GPM6A: variants seen among roughly 807,000 people sequenced by gnomAD.
GPM6A encodes neuronal membrane glycoprotein M6-a.
Under a neutral mutation model 32.1 loss-of-function variants are expected in GPM6A, and 7 were observed. The observed-to-expected ratio is 0.22, with a 90% CI of 0.12 to 0.41. The LOEUF is 0.41. Ranked by LOEUF, GPM6A falls within the 10% of genes least tolerant of loss-of-function variation. The pLI, the probability that GPM6A is intolerant of heterozygous loss-of-function variation, is 1.00. For synonymous variants in GPM6A, 130 were observed against 123.4 expected, an observed-to-expected ratio of 1.05 and a Z score of -0.35; for missense variants, 235 against 347.2, an observed-to-expected ratio of 0.68 and a Z score of 2.57.
rs75037166 is a variant in GPM6A, at chr4:175,714,517, G to A, written c.38-12750C>T. The stretch of plus-strand genomic sequence containing the variant: ...TCCTGCCTCAGCCTCCCAAAGTGTT[G>A]GGATTATAGGGGAGAGCCACCATAC... On this transcript the variant is annotated intron_variant, in intron 1 of 6. Coordinates refer to ENST00000393658, the MANE Select transcript of GPM6A (RefSeq NM_201591.3). Among the ~76,000 whole-genome samples the A allele has an allele frequency of 6.1e-3, 922 of 152,130 alleles. 7 individuals carry two copies. Among genetic ancestry groups the A allele is most frequent in the Middle Eastern group, 0.02 (6 of 294 alleles).
intron 1 of GPM6A, among the ~76,000 whole-genome samples, chr4:175,722,887 T>TTA (rs1553981813): frequency 1.9e-4 from 28 of 148,350 alleles, no homozygotes; most frequent in South Asian, 4.3e-4. Flanking sequence ...ACAAAGAAAT[T>TTA]AAAAAAAAAA....
intron 1 of GPM6A, chr4:175,962,151 A>G (rs1740187193): frequency 1.2e-6 from 1 of 851,028 alleles, no homozygotes; most frequent in Admixed American, 1.7e-5. Context: ...ACAGGACATC[A>G]AGCATCAACC....
At chr4:175,711,748 C>T (rs1366377301) in intron 1 of GPM6A, among the ~76,000 whole-genome samples, 2 of 151,422 alleles carry the variant, frequency 1.3e-5, no homozygotes, top group South Asian at 2.1e-4. Flanking sequence ...CCTCTTCTGT[C>T]CCTGTGTAGT....
intron 1 of GPM6A, among the ~76,000 whole-genome samples, chr4:175,729,955 A>G (rs1487073535): frequency 6.7e-6 from 1 of 148,196 alleles, no homozygotes; most frequent in Non-Finnish European, 1.5e-5. Flanking sequence ...ATTTATGTAT[A>G]TATATATAAA....
chr4:175,677,595 T>C (rs1743445925), intron 2 of GPM6A, among the ~76,000 whole-genome samples: 1 of 152,200 alleles, frequency 6.6e-6, no homozygotes, highest in Admixed American at 6.5e-5. Context: ...ATAATTTTCC[T>C]AGTTTTTATA....
intron 1 of GPM6A, among the ~76,000 whole-genome samples, chr4:175,877,705 G>T (rs999468242): frequency 6.6e-6 from 1 of 152,098 alleles, no homozygotes; most frequent in African/African-American, 2.4e-5. Context: ...AGATTTGGGT[G>T]GGGACACAGA....
At chr4:175,658,703 T>C (rs1224064093) in intron 3 of GPM6A, among the ~76,000 whole-genome samples, 3 of 152,184 alleles carry the variant, frequency 2.0e-5, no homozygotes, top group Non-Finnish European at 4.4e-5. Flanking sequence ...TCCCTGTACT[T>C]TCTCCTCAAT....
At chr4:175,680,545 G>T (rs2111005272) in intron 2 of GPM6A, among the ~76,000 whole-genome samples, 1 of 152,074 alleles carries the variant, frequency 6.6e-6, no homozygotes, top group African/African-American at 2.4e-5. Context: ...CTTCATTGTG[G>T]CCATGTTAAT....
At chr4:175,787,038 C>G (rs1431864273) in intron 1 of GPM6A, 1 of 308,394 alleles carries the variant, frequency 3.2e-6, no homozygotes, top group Non-Finnish European at 5.9e-6. Flanking sequence ...TTCCTTTAGC[C>G]TATAATCTCG....
chr4:175,989,591 A>G (rs1305506397), intron 1 of GPM6A, among the ~76,000 whole-genome samples: 2 of 152,162 alleles, frequency 1.3e-5, no homozygotes, highest in African/African-American at 4.8e-5. Context: ...GGTATCCTGC[A>G]ATTACCAACA....
At chr4:175,982,212 A>ATG (rs1021918291) in intron 1 of GPM6A, among the ~76,000 whole-genome samples, 2 of 152,036 alleles carry the variant, frequency 1.3e-5, no homozygotes, top group African/African-American at 4.8e-5. Context: ...CATTTCCTTA[A>ATG]TGTGTCACAA....
chr4:175,721,148 A>ATATATATATAT (rs1746108912), intron 1 of GPM6A, among the ~76,000 whole-genome samples: 6 of 135,214 alleles, frequency 4.4e-5, no homozygotes, highest in Non-Finnish European at 8.0e-5. Context: ...TATATATTCT[A>ATATATATATAT]ATATATATAT....
chr4:175,907,352 A>C (rs982074483), intron 1 of GPM6A: 1 of 152,132 alleles, frequency 6.6e-6, no homozygotes, highest in Non-Finnish European at 1.5e-5. Flanking sequence ...CTTGTCTCTC[A>C]TTAAATTGCT....
chr4:175,709,821 G>T (rs1237237472), intron 1 of GPM6A, among the ~76,000 whole-genome samples: 2 of 151,948 alleles, frequency 1.3e-5, no homozygotes, highest in African/African-American at 4.8e-5. Context: ...TCATAGTGGG[G>T]ATCTCTTCCC....
intron 1 of GPM6A, among the ~76,000 whole-genome samples, chr4:175,831,742 G>A (rs1365937596): frequency 4.0e-4 from 2 of 4,996 alleles, no homozygotes; most frequent in South Asian, 0.023. Context: ...TTTTTTTGAC[G>A]GAGGTTCACT....
chr4:175,698,336 T>C (rs947204126), intron 2 of GPM6A, among the ~76,000 whole-genome samples: 49 of 152,120 alleles, frequency 3.2e-4, no homozygotes, highest in African/African-American at 1.2e-3. Context: ...TAAAATTAGG[T>C]AAGTCTTTTC....
intron 1 of GPM6A, among the ~76,000 whole-genome samples, chr4:175,707,245 G>C (rs77131758): frequency 1.3e-5 from 2 of 152,072 alleles, no homozygotes; most frequent in African/African-American, 4.8e-5. Flanking sequence ...ACTTCTTCTT[G>C]CTCAAGTTCC....
chr4:175,718,710 C>A (rs1745968314), intron 1 of GPM6A, among the ~76,000 whole-genome samples: 1 of 151,990 alleles, frequency 6.6e-6, no homozygotes. Flanking sequence ...ATGTATGAAA[C>A]AGGTTTGTTC....
chr4:175,641,461 A>AT (rs932645896), intron 4 of GPM6A: 26 of 152,320 alleles, frequency 1.7e-4, no homozygotes, highest in African/African-American at 6.3e-4. Context: ...AGAACACTGC[A>AT]TTTTTAAAAC....
Sources: allele counts gnomAD v4.1 joint callset (sites outside exome capture counted in the v4.1 genomes callset), GRCh38; gene constraint gnomAD v4.1.1; transcripts MANE v1.5; gene names NCBI Gene and HGNC (gene_info 2026-07-23, HGNC 2026-07-21).